CBLB: variants seen among roughly 807,000 people sequenced by gnomAD.
CBLB encodes E3 ubiquitin-protein ligase CBL-B.
CBLB carries 31 observed loss-of-function variants against 104.9 expected under a neutral mutation model. The ratio of observed to expected loss-of-function variants is 0.30; its 90% CI spans 0.22 to 0.40. The LOEUF (loss-of-function observed/expected upper bound fraction) is 0.40. CBLB is among the 10% of genes least tolerant of loss of function. The pLI, the probability that CBLB is intolerant of heterozygous loss-of-function variation, is 1.00. For synonymous variants in CBLB, 440 were observed against 422.6 expected, an observed-to-expected ratio of 1.04 and a Z score of -0.51; for missense variants, 1,062 against 1,214.6, an observed-to-expected ratio of 0.87 and a Z score of 1.87.
At chr3:105,724,078 A>G (rs1195116331) in intron 9 of CBLB, 1 of 173,514 alleles carries the variant, frequency 5.8e-6, no homozygotes. Context: ...TTTTAAACAT[A>G]GCAATTATAA....
At chr3:105,741,687 G>A (rs944456149) in intron 6 of CBLB, among the ~76,000 whole-genome samples, 3 of 148,636 alleles carry the variant, frequency 2.0e-5, no homozygotes, top group South Asian at 2.2e-4. Flanking sequence ...GAGCCACCGC[G>A]CCTGGCCAAT....
At chr3:105,662,107 G>A (rs1442232516) in intron 18 of CBLB, among the ~76,000 whole-genome samples, 1 of 152,144 alleles carries the variant, frequency 6.6e-6, no homozygotes, top group Non-Finnish European at 1.5e-5. Flanking sequence ...AAAAAGTGGG[G>A]AGGAGGAGAT....
intron 2 of CBLB, among the ~76,000 whole-genome samples, chr3:105,865,257 C>T (rs1477950602): frequency 6.6e-6 from 1 of 152,118 alleles, no homozygotes; most frequent in African/African-American, 2.4e-5. Context: ...ATTATCAATG[C>T]CTTTCTATTT....
chr3:105,672,958 A>G (rs1301515630), intron 17 of CBLB: 3 of 152,154 alleles, frequency 2.0e-5, no homozygotes, highest in Admixed American at 6.5e-5. Context: ...TAAATTTTAC[A>G]TAAATGTGAA....
At chr3:105,693,651 G>C in intron 12 of CBLB, 63 bp from the exon 13 acceptor site, 1 of 1,031,510 alleles carries the variant, frequency 9.7e-7, no homozygotes, top group Non-Finnish European at 1.5e-6. Flanking sequence ...TAAAGCCATA[G>C]CTGCTCTACC....
intron 13 of CBLB, among the ~76,000 whole-genome samples, chr3:105,686,129 G>A (rs1211549563): frequency 6.6e-6 from 1 of 152,078 alleles, no homozygotes; most frequent in Non-Finnish European, 1.5e-5. Context: ...AAATAAAAGA[G>A]AATTAAAATG....
chr3:105,671,522 C>A (rs2065056777), intron 17 of CBLB: 1 of 213,960 alleles, frequency 4.7e-6, no homozygotes. Flanking sequence ...TCAGTGAAAC[C>A]TGAATTGCTA....
At chr3:105,841,398 T>C (rs557115058) in intron 3 of CBLB, among the ~76,000 whole-genome samples, 2 of 152,048 alleles carry the variant, frequency 1.3e-5, no homozygotes, top group South Asian at 4.1e-4. Context: ...CTAATATACA[T>C]ATTAGATATA....
In CBLB at chr3:105,834,707, C is replaced by T. The variant is rs563892704; in HGVS notation, c.419+18707G>A. On this transcript the variant is annotated intron_variant, in intron 3 of 18. Transcript: ENST00000394030. The stretch of plus-strand genomic sequence containing the variant: ...AAGCAAGCATGACAGAAGTCAAAAT[C>T]AAAAACAAAATCTTCCCCACTATAC... Among the ~76,000 whole-genome samples the T allele has an allele frequency of 9.4e-4, 143 of 152,110 alleles. 1 individual carries two copies. Among genetic ancestry groups the T allele is most frequent in the African/African-American group, 3.4e-3 (142 of 41,514 alleles).
At position 105,665,404 on chromosome 3, in the gene CBLB, AATAAATAAATAAATATATATAT is replaced by A. The variant is rs1454660921; in HGVS notation, c.2689+4807_2689+4828del. Among the ~76,000 whole-genome samples the A allele has an allele frequency of 4.5e-3, 280 of 62,488 alleles. 6 individuals are homozygous for A. The highest frequency in any genetic ancestry group is 0.016 in the African/African-American group (261 of 16,714). The allele number at this position is 62,488 out of a possible 152,430, so 41.0% of individuals were successfully genotyped here. On this transcript the variant is annotated intron_variant, in intron 18 of 18. Coordinates refer to ENST00000394030, the MANE Select transcript of CBLB (RefSeq NM_170662.5). ...CTGTCTCCAAAAAAATAAATAAATA[AATAAATAAATAAATATATATAT>A]ATATATATATATATATACACACACA...
At chr3:105,752,861 T>C (rs1193472753) in intron 4 of CBLB, among the ~76,000 whole-genome samples, 3 of 152,206 alleles carry the variant, frequency 2.0e-5, no homozygotes, top group Admixed American at 6.5e-5. Flanking sequence ...CTGACAGCCA[T>C]AAAATGTTCC....
intron 3 of CBLB, among the ~76,000 whole-genome samples, chr3:105,821,248 A>AT (rs1227634807): frequency 2.1e-5 from 2 of 97,444 alleles, no homozygotes; most frequent in East Asian, 6.9e-4. Context: ...TAAAGATCAG[A>AT]TATCTATATC....
intron 4 of CBLB, among the ~76,000 whole-genome samples, chr3:105,770,089 T>G (rs916422333): frequency 1.1e-4 from 17 of 152,194 alleles, no homozygotes; most frequent in Middle Eastern, 3.4e-3. Context: ...TTTGTTTTTT[T>G]TTTTTTTTCA....
At chr3:105,765,534 C>T (rs777768200) in intron 4 of CBLB, among the ~76,000 whole-genome samples, 6 of 152,054 alleles carry the variant, frequency 3.9e-5, no homozygotes, top group Admixed American at 6.6e-5. Flanking sequence ...AAACAAAAAG[C>T]TTCAAAGGAC....
Position 105,670,244 on chromosome 3 carries a change from G to A in CBLB, c.2678C>T (p.Pro893Leu). 6.2e-7 allele frequency: 1 copy of A among 1,613,120 alleles called. No homozygotes were observed. Among genetic ancestry groups the A allele is most frequent in the Non-Finnish European group, 8.5e-7 (1 of 1,179,320 alleles). The change falls in exon 18 of 19, where the codon CCT (proline) becomes CTT (leucine). Residue 893 changes from proline (P) to leucine (L), a missense_variant. Physicochemically the swap from Pro to Leu is moderately conservative, Grantham distance 98. Coordinates refer to ENST00000394030, the MANE Select transcript of CBLB (RefSeq NM_170662.5). ...NRTSQDYDQL[P>L]SCSDGSQAPA... The stretch of plus-strand genomic sequence containing the variant: ...ACTAGCCAACTCACCTGAACATGAA[G>A]GAAGCTGATCATAGTCCTGTGATGT...
chr3:105,861,240 A>G (rs1346074022), intron 2 of CBLB, among the ~76,000 whole-genome samples: 2 of 152,282 alleles, frequency 1.3e-5, no homozygotes, highest in Admixed American at 6.5e-5. Flanking sequence ...CAAGTGTATA[A>G]TAAGATAAAC....
chr3:105,731,552 G>T, intron 9 of CBLB, among the ~76,000 whole-genome samples: 1 of 152,216 alleles, frequency 6.6e-6, no homozygotes, highest in Middle Eastern at 3.4e-3. Context: ...ATAAATATTT[G>T]TTGCTTTATA....
chr3:105,718,095 T>C (rs954185412), intron 10 of CBLB, among the ~76,000 whole-genome samples: 2 of 152,158 alleles, frequency 1.3e-5, no homozygotes, highest in African/African-American at 4.8e-5. Flanking sequence ...GTTTTGAGAC[T>C]CAAGTCTCAA....
chr3:105,822,589 A>G (rs1392249124), intron 3 of CBLB, among the ~76,000 whole-genome samples: 2 of 152,170 alleles, frequency 1.3e-5, no homozygotes, highest in African/African-American at 4.8e-5. Flanking sequence ...GAGTGAAGGG[A>G]TAACACTAGG....
Sources: allele counts gnomAD v4.1 joint callset (sites outside exome capture counted in the v4.1 genomes callset), GRCh38; gene constraint gnomAD v4.1.1; transcripts MANE v1.5; gene names NCBI Gene and HGNC (gene_info 2026-07-23, HGNC 2026-07-21).